Variants in ANKRD36C observed in about 807,000 individuals in gnomAD.
ANKRD36C encodes the protein ankyrin repeat domain-containing protein 36C.
In ANKRD36C, 61 loss-of-function variants were observed where a neutral mutation model predicts 276.4. That is an observed-to-expected ratio of 0.22 (90% CI 0.18 to 0.27). ANKRD36C has a LOEUF of 0.27. ANKRD36C is among the 10% of genes least tolerant of loss of function. ANKRD36C has a pLI of 1.00. For missense variants in ANKRD36C, 1,447 were observed against 2,032.3 expected, an observed-to-expected ratio of 0.71 and a Z score of 5.54; for synonymous variants, 483 against 680.1, an observed-to-expected ratio of 0.71 and a Z score of 4.51.
At chr2:95,954,766 C>T (rs1376371865) in intron 13 of ANKRD36C, among the ~76,000 whole-genome samples, 2 of 152,158 alleles carry the variant, frequency 1.3e-5, no homozygotes, top group African/African-American at 4.8e-5. Context: ...TTCATAGACA[C>T]TCAGATGCCC....
chr2:95,988,298 T>C (rs540201027), intron 1 of ANKRD36C, among the ~76,000 whole-genome samples: 1 of 152,208 alleles, frequency 6.6e-6, no homozygotes, highest in African/African-American at 2.4e-5. Flanking sequence ...AAATTAGGTA[T>C]TTGCAATGAT....
intron 44 of ANKRD36C, among the ~76,000 whole-genome samples, 165 bp from the exon 61 acceptor site, chr2:95,895,755 G>A (rs1573748551): frequency 6.6e-6 from 1 of 150,916 alleles, no homozygotes; most frequent in Non-Finnish European, 1.5e-5. Flanking sequence ...GAAATACACT[G>A]AAAAAAGGGA....
intron 6 of ANKRD36C, among the ~76,000 whole-genome samples, chr2:95,964,425 C>T (rs1411744135): frequency 5.9e-5 from 9 of 151,978 alleles, no homozygotes; most frequent in Non-Finnish European, 1.2e-4. Context: ...CACTCTTTTT[C>T]GTTCATAAAT....
At chr2:95,903,176 G>T in intron 42 of ANKRD36C, 95 bp from the exon 53 acceptor site, 1 of 1,511,332 alleles carries the variant, frequency 6.6e-7, no homozygotes, top group Non-Finnish European at 9.0e-7. Context: ...CTGTCCTCCT[G>T]CCTGTATTAG....
At chr2:95,887,053 G>A (rs1273715498) in intron 50 of ANKRD36C, among the ~76,000 whole-genome samples, 1 of 151,012 alleles carries the variant, frequency 6.6e-6, no homozygotes, top group Non-Finnish European at 1.5e-5. Context: ...ACCATTTTAG[G>A]AGTCAGTTGT....
At chr2:95,910,482 A>G in intron 42 of ANKRD36C, 37 bp from the exon 46 acceptor site, 1 of 1,598,736 alleles carries the variant, frequency 6.3e-7, no homozygotes. Flanking sequence ...AAATAAATAA[A>G]GTATGTTTCA....
In ANKRD36C at chr2:95,912,498, C is replaced by T. The variant is rs553193991; in HGVS notation, c.2552-63G>A. 23 of 1,600,226 alleles carry T rather than the reference C, an allele frequency of 1.4e-5. No individual in the cohort carries two copies. In the South Asian group the frequency reaches 2.1e-4, roughly 15 times the overall value. Reference sequence around the variant, plus strand: ...AATATGATAAAGTTATCCATACATTCGCACAGTGTTAGCATCAACCTCTGA... The same window carrying T: ...AATATGATAAAGTTATCCATACATTTGCACAGTGTTAGCATCAACCTCTGA... On this transcript the variant is annotated intron_variant, in intron 40 of 66. Coordinates refer to ENST00000456556, the Ensembl canonical transcript of ANKRD36C.
At chr2:95,861,357 A>G (rs1447232885) in intron 60 of ANKRD36C, among the ~76,000 whole-genome samples, 1 of 152,062 alleles carries the variant, frequency 6.6e-6, no homozygotes, top group Non-Finnish European at 1.5e-5. Context: ...TTAATAGATA[A>G]CTCCTCAAAT....
intron 44 of ANKRD36C, among the ~76,000 whole-genome samples, 197 bp from the exon 65 acceptor site, chr2:95,892,057 G>T (rs1436043513): frequency 6.6e-6 from 1 of 151,498 alleles, no homozygotes; most frequent in Non-Finnish European, 1.5e-5. Context: ...ATGAAATATA[G>T]TTTTAGTATT....
At chr2:95,917,057 G>C (rs188526826) in intron 36 of ANKRD36C, among the ~76,000 whole-genome samples, 280 of 151,678 alleles carry the variant, frequency 1.8e-3, no homozygotes, top group African/African-American at 6.4e-3. Context: ...AAAGAAGTTT[G>C]ATGAAATAGC....
chr2:95,962,604 T>C, intron 6 of ANKRD36C, 57 bp from the exon 7 acceptor site: 1 of 1,583,548 alleles, frequency 6.3e-7, no homozygotes, highest in South Asian at 1.1e-5. Context: ...CAATTATCCA[T>C]ACATTCATGC....
At chr2:95,892,730 G>C (rs1037278031) in intron 44 of ANKRD36C, among the ~76,000 whole-genome samples, 1 of 151,168 alleles carries the variant, frequency 6.6e-6, no homozygotes, top group African/African-American at 2.4e-5. Flanking sequence ...GGAGTATCAC[G>C]TTGTTCTCTA....
intron 50 of ANKRD36C, among the ~76,000 whole-genome samples, chr2:95,887,716 G>A (rs543377374): frequency 2.0e-5 from 3 of 151,602 alleles, no homozygotes; most frequent in Non-Finnish European, 3.0e-5. Context: ...TCCCAATTTC[G>A]ATGTGGGGAA....
intron 6 of ANKRD36C, among the ~76,000 whole-genome samples, chr2:95,967,614 T>C (rs1279341317): frequency 2.0e-5 from 3 of 152,020 alleles, no homozygotes; most frequent in Non-Finnish European, 4.4e-5. Context: ...GAAATACCAT[T>C]TGAGCCAGTA....
At chr2:95,960,787 TTTTC>T (rs1678441521) in intron 8 of ANKRD36C, 120 bp from the exon 9 acceptor site, 1 of 557,394 alleles carries the variant, frequency 1.8e-6, no homozygotes, top group Admixed American at 3.2e-5. Context: ...GGCTTTGATG[TTTTC>T]TACTTTGTGT....
intron 54 of ANKRD36C, among the ~76,000 whole-genome samples, chr2:95,883,495 T>C (rs966230617): frequency 2.6e-5 from 4 of 152,100 alleles, no homozygotes; most frequent in African/African-American, 9.7e-5. Context: ...ACAAAACATA[T>C]ATCTCTGATG....
downstream of ANKRD36C, chr2:95,848,972 C>T (rs1675231042): frequency 2.4e-6 from 1 of 408,554 alleles, no homozygotes; most frequent in Non-Finnish European, 4.7e-6. Flanking sequence ...TTGCATGTCA[C>T]ACATTTAATG....
rs1677160983 is a variant in ANKRD36C at position 95,918,193 on chromosome 2, G to A, written c.2246-151C>T. On this transcript the variant is annotated intron_variant, in intron 34 of 66. Transcript: ENST00000456556. Reference sequence around the variant, plus strand: ...ACTTTGTGTCTTGGGACTGGAACATGACAGAAGTACACTGGTAAGAGGGAA... The same window carrying A: ...ACTTTGTGTCTTGGGACTGGAACATAACAGAAGTACACTGGTAAGAGGGAA... Among the ~76,000 whole-genome samples, 3 of 151,632 alleles carry A rather than the reference G, an allele frequency of 2.0e-5. No homozygotes were observed. The South Asian group carries it at 6.2e-4, about 31-fold the overall frequency.
intron 6 of ANKRD36C, among the ~76,000 whole-genome samples, chr2:95,963,927 A>C (rs1388647238): frequency 7.7e-6 from 1 of 130,290 alleles, no homozygotes. Context: ...ATAACCAACC[A>C]AATATATACA....
Sources: gnomAD v4.1 joint callset for allele counts (sites outside exome capture counted in the v4.1 genomes callset) on GRCh38, gnomAD v4.1.1 for gene constraint, MANE v1.5 for transcripts, NCBI Gene and HGNC (gene_info 2026-07-23, HGNC 2026-07-21) for gene names.